The following IKZF1 variants were observed in gnomAD, a reference collection of about 807,000 sequenced individuals.
IKZF1 encodes DNA-binding protein Ikaros.
In IKZF1, 10 loss-of-function variants were observed where a neutral mutation model predicts 51.7. The observed-to-expected ratio is 0.19, with a 90% CI of 0.12 to 0.33. IKZF1 has a LOEUF of 0.33. IKZF1 is among the 10% of genes least tolerant of loss of function. The pLI is 1.00. For missense variants in IKZF1, 484 were observed against 707.5 expected (o/e 0.68, Z 3.58); for synonymous variants, 280 against 282.3 (o/e 0.99, Z 0.08).
intron 3 of IKZF1, among the ~76,000 whole-genome samples, chr7:50,374,546 A>G (rs1201193467): frequency 6.6e-6 from 1 of 152,140 alleles, no homozygotes; most frequent in Non-Finnish European, 1.5e-5. Context: ...CACTTCCCTT[A>G]TGGAGTCCTT....
intron 1 of IKZF1, among the ~76,000 whole-genome samples, chr7:50,318,801 C>T (rs1362443087): frequency 6.6e-6 from 1 of 152,092 alleles, no homozygotes; most frequent in Non-Finnish European, 1.5e-5. Flanking sequence ...AGGAAATTAA[C>T]AATAAATAAC....
intron 3 of IKZF1, among the ~76,000 whole-genome samples, chr7:50,342,927 G>A (rs1400148953): frequency 6.6e-6 from 1 of 152,304 alleles, no homozygotes; most frequent in East Asian, 1.9e-4. Flanking sequence ...GCACAGATTC[G>A]TCATGGAAGC....
At chr7:50,337,836 C>T (rs1798148582) in intron 3 of IKZF1, among the ~76,000 whole-genome samples, 1 of 152,106 alleles carries the variant, frequency 6.6e-6, no homozygotes, top group African/African-American at 2.4e-5. Context: ...CTGTCCCTCC[C>T]ATTGCAGGAT....
At chr7:50,322,167 G>C (rs1200956529) in intron 2 of IKZF1, among the ~76,000 whole-genome samples, 1 of 152,040 alleles carries the variant, frequency 6.6e-6, no homozygotes, top group African/African-American at 2.4e-5. Flanking sequence ...TCTAAAGTTG[G>C]AAGAAATGAC....
At chr7:50,310,281 G>C (rs1160094476) in intron 1 of IKZF1, among the ~76,000 whole-genome samples, 1 of 152,152 alleles carries the variant, frequency 6.6e-6, no homozygotes, top group Non-Finnish European at 1.5e-5. Flanking sequence ...TTAAAGAAAT[G>C]AAATTTGCTA....
intron 3 of IKZF1, among the ~76,000 whole-genome samples, chr7:50,334,685 AGT>A (rs1437404101): frequency 2.8e-5 from 4 of 144,190 alleles, no homozygotes; most frequent in Non-Finnish European, 4.6e-5. Flanking sequence ...TGAGATGTGT[AGT>A]GTGTGTGTGG....
intron 4 of IKZF1, among the ~76,000 whole-genome samples, chr7:50,381,023 C>T (rs971438591): frequency 6.6e-6 from 1 of 152,168 alleles, no homozygotes; most frequent in Non-Finnish European, 1.5e-5. Context: ...CCAGATACCT[C>T]CTGGTTAGTA....
intron 3 of IKZF1, among the ~76,000 whole-genome samples, chr7:50,360,806 C>G (rs1196601019): frequency 1.3e-5 from 2 of 152,244 alleles, no homozygotes; most frequent in African/African-American, 4.8e-5. Flanking sequence ...GGAACACAGC[C>G]AGTCATCACC....
chr7:50,371,918 A>G (rs763899259), intron 3 of IKZF1, among the ~76,000 whole-genome samples: 2 of 152,150 alleles, frequency 1.3e-5, no homozygotes, highest in Non-Finnish European at 2.9e-5. Context: ...GATTGAGCAT[A>G]CCTTCAGGGA....
intron 3 of IKZF1, among the ~76,000 whole-genome samples, chr7:50,362,671 A>C (rs1215346015): frequency 6.6e-6 from 1 of 152,100 alleles, no homozygotes; most frequent in African/African-American, 2.4e-5. Context: ...ACCTGCTGAG[A>C]AGTTTATTCA....
At chr7:50,360,164 A>G (rs1403395886) in intron 3 of IKZF1, among the ~76,000 whole-genome samples, 2 of 151,868 alleles carry the variant, frequency 1.3e-5, no homozygotes, top group African/African-American at 4.8e-5. Context: ...AGGGAGGGAC[A>G]GCAGAGGATC....
At chr7:50,377,928 A>G (rs995411198) in intron 4 of IKZF1, among the ~76,000 whole-genome samples, 2 of 152,216 alleles carry the variant, frequency 1.3e-5, no homozygotes, top group African/African-American at 4.8e-5. Flanking sequence ...AAGAGGAAAA[A>G]AATAGTTGAA....
chr7:50,310,602 C>T (rs761228472), intron 1 of IKZF1, among the ~76,000 whole-genome samples: 16 of 152,166 alleles, frequency 1.1e-4, no homozygotes, highest in Non-Finnish European at 1.9e-4. Context: ...CTGATACCCA[C>T]GTTTCGCATG....
chr7:50,365,949 A>G (rs1806799557), intron 3 of IKZF1, among the ~76,000 whole-genome samples: 1 of 152,212 alleles, frequency 6.6e-6, no homozygotes, highest in Non-Finnish European at 1.5e-5. Context: ...AGCCATAAGA[A>G]AAAGAATGAG....
rs1305155904 is a variant in IKZF1 at position 50,404,766 on chromosome 7, C to A, written c.*4139C>A. 1 of 229,924 alleles carries A rather than the reference C, an allele frequency of 4.3e-6. No homozygotes were observed. The highest frequency in any genetic ancestry group is 8.6e-6 in the Non-Finnish European group (1 of 116,012). The allele number at this position is 229,924 out of a possible 1,614,324, so 14.2% of individuals were successfully genotyped here. On this transcript the variant is annotated 3_prime_UTR_variant, in exon 8 of 8. Coordinates refer to ENST00000331340, the MANE Select transcript of IKZF1 (RefSeq NM_006060.6). ...CAGTCATTCTGTGAGTGGCCGGGCC[C>A]AGGGCCCTCACAATTTCACTACCTT...
chr7:50,402,327 A>G lies in IKZF1; in HGVS notation c.*1700A>G. 2 of 230,764 alleles carry G rather than the reference A, an allele frequency of 8.7e-6. No homozygotes were observed. The highest frequency in any genetic ancestry group is 8.6e-6 in the Non-Finnish European group (1 of 116,398). The allele number at this position is 230,764 out of a possible 1,614,324, so 14.3% of individuals were successfully genotyped here. On this transcript the variant is annotated 3_prime_UTR_variant, in exon 8 of 8. Transcript: ENST00000331340. ...AACAGGGGTTCTTAGTCTCAGCACT[A>G]TGACATTTTGGGCTGACTACTTATT...
At position 50,403,655 on chromosome 7, in the gene IKZF1, C is replaced by T. The variant is rs1390311727; in HGVS notation, c.*3028C>T. 4.4e-6 allele frequency: 1 copy of T among 228,292 alleles called. No homozygotes were observed. The highest frequency in any genetic ancestry group is 5.7e-5 in the Admixed American group (1 of 17,628). 14.1% of individuals were successfully genotyped at this position (228,292 alleles called of 1,614,324 possible). A position where few individuals can be genotyped will look rare whatever the true frequency, so the allele number is the denominator to read the frequency against. ...AACTCATCACATTATCATTGCATAT[C>T]AGCAAAGGGTAAAGTCCTAGCACCA... is the stretch of plus-strand genomic sequence containing the variant. On this transcript the variant is annotated 3_prime_UTR_variant, in exon 8 of 8. Coordinates refer to ENST00000331340, the MANE Select transcript of IKZF1 (RefSeq NM_006060.6).
intron 1 of IKZF1, among the ~76,000 whole-genome samples, chr7:50,305,661 G>A: frequency 6.6e-6 from 1 of 152,042 alleles, no homozygotes; most frequent in East Asian, 1.9e-4. Flanking sequence ...ATTTCAATGC[G>A]GTGCGCTTTG....
chr7:50,334,451 A>G (rs1448940944), intron 3 of IKZF1, among the ~76,000 whole-genome samples: 3 of 151,464 alleles, frequency 2.0e-5, no homozygotes, highest in South Asian at 2.1e-4. Context: ...TACATGTGGT[A>G]TGTTTATGCA....
Sources: gnomAD v4.1 joint callset for allele counts (sites outside exome capture counted in the v4.1 genomes callset) on GRCh38, gnomAD v4.1.1 for gene constraint, MANE v1.5 for transcripts, NCBI Gene and HGNC (gene_info 2026-07-23, HGNC 2026-07-21) for gene names.